Variants in SKP2 observed in about 807,000 individuals in gnomAD.
SKP2 encodes S-phase kinase-associated protein 2.
A neutral mutation model predicts 51.8 loss-of-function variants in SKP2; 16 were observed. The observed-to-expected ratio is 0.31, with a 90% confidence interval of 0.21 to 0.47. The LOEUF (loss-of-function observed/expected upper bound fraction) is 0.47, where lower values mean the gene tolerates loss of function less well. Among genes scored for constraint, SKP2 ranks in the 20% least tolerant of loss-of-function variants. The pLI is 1.00. For missense variants in SKP2, 377 were observed against 505.3 expected (o/e 0.75, Z 2.43); for synonymous variants, 176 against 198.6 (o/e 0.89, Z 0.96).
rs896333114 is a variant in SKP2 at position 36,176,961 on chromosome 5, C to T, written c.902-4C>T. The T allele has an allele frequency of 1.3e-6, 2 of 1,581,990 alleles. No homozygotes were observed. The highest frequency in any genetic ancestry group is 3.4e-5 in the Admixed American group (2 of 58,104). ...TGACCATCATGTTTTTTTGCTTTTC[C>T]TAGATCTCTCTACTTTAGTTAGAAG... On this transcript the variant is annotated splice_polypyrimidine_tract_variant and splice_region_variant and intron_variant, in intron 7 of 9. Transcript: ENST00000274255.
At position 36,181,681 on chromosome 5, in the gene SKP2, T is replaced by C. The variant is rs1164064704; in HGVS notation, c.1062-137T>C. On this transcript the variant is annotated intron_variant, in intron 9 of 9. Transcript: ENST00000274255. ...CTTTCCAGTTTAATTTGCTATTTTC[T>C]CAAATCATTTATTGTAAATTACACT... 7.0e-6 allele frequency: 6 copies of C among 862,646 alleles called. No individual in the cohort carries two copies. The South Asian group carries it at 8.4e-5, about 12-fold the overall frequency. 53.4% of individuals were successfully genotyped at this position (862,646 alleles called of 1,614,324 possible).
intron 2 of SKP2, among the ~76,000 whole-genome samples, chr5:36,162,934 A>G (rs944756080): frequency 5.9e-5 from 9 of 152,152 alleles, no homozygotes; most frequent in African/African-American, 2.2e-4. Context: ...CGGGGAAGCC[A>G]CTTGTAAAAC....
rs70973094 is a variant in SKP2 at position 36,190,683 on chromosome 5, CAAAAAAAAAAA to C, written c.633-1925_633-1915del. Among the ~76,000 whole-genome samples the C allele has an allele frequency of 1.1e-3, 88 of 81,186 alleles. 1 individual carries two copies. Among genetic ancestry groups the C allele is most frequent in the African/African-American group, 4.2e-3 (79 of 18,744 alleles). The allele number at this position is 81,186 out of a possible 152,430, so 53.3% of individuals were successfully genotyped here. ...AATGATGAAAAACGTCAAACATATG[CAAAAAAAAAAA>C]AAAAAAAAAAAAGAATATGATGGAC... On this transcript the variant is annotated intron_variant, in intron 6 of 7. Transcript: ENST00000677886.
chr5:36,186,241 T>C (rs1235415805), downstream of SKP2, among the ~76,000 whole-genome samples: 3 of 152,216 alleles, frequency 2.0e-5, no homozygotes, highest in African/African-American at 7.2e-5. Context: ...GAATACGCTT[T>C]ATTTCTTTCT....
intron 2 of SKP2, among the ~76,000 whole-genome samples, chr5:36,156,552 G>A (rs2362974): frequency 0.69 from 104,798 of 152,054 alleles, 40,678 homozygotes; most frequent in Non-Finnish European, 0.88. Flanking sequence ...TTGGCCCTTG[G>A]AGTGAGTGTA....
At chr5:36,192,207 G>A (rs544865491) in intron 6 of SKP2, among the ~76,000 whole-genome samples, 1 of 152,096 alleles carries the variant, frequency 6.6e-6, no homozygotes, top group African/African-American at 2.4e-5. Flanking sequence ...CCAATCCCTT[G>A]AGTACTTTTA....
downstream of SKP2, among the ~76,000 whole-genome samples, chr5:36,186,187 G>A (rs578058611): frequency 2.2e-4 from 33 of 152,308 alleles, no homozygotes; most frequent in African/African-American, 6.7e-4. Flanking sequence ...ATACAATCAT[G>A]TCATCTGCAA....
At chr5:36,179,241 AAATAAG>A (rs1430971442) in intron 9 of SKP2, among the ~76,000 whole-genome samples, 1 of 152,148 alleles carries the variant, frequency 6.6e-6, no homozygotes, top group Non-Finnish European at 1.5e-5. Flanking sequence ...TCTTGAGATA[AAATAAG>A]AATTAGAATG....
rs769566911 is a variant in SKP2, at chr5:36,180,321, C to T, written c.1062-1497C>T. 3.5e-6 allele frequency: 4 copies of T among 1,159,420 alleles called. No homozygotes were observed. The South Asian group carries it at 3.7e-5, about 11-fold the overall frequency. 71.8% of individuals were successfully genotyped at this position (1,159,420 alleles called of 1,614,324 possible). A position where few individuals can be genotyped will look rare whatever the true frequency, so the allele number is the denominator to read the frequency against. ...GATTAAGTATAAGTATCTGTGTATA[C>T]TGTGATCTTACTTCGACAGTGTTTC... is the stretch of plus-strand genomic sequence containing the variant. On this transcript the variant is annotated intron_variant, in intron 9 of 9. Transcript: ENST00000274255.
chr5:36,185,476 G>T (rs909463233), downstream of SKP2, among the ~76,000 whole-genome samples: 1 of 152,174 alleles, frequency 6.6e-6, no homozygotes, highest in African/African-American at 2.4e-5. Flanking sequence ...CATATGGCTA[G>T]CCAGTTTTCC....
chr5:36,162,082 C>G (rs1266363489), intron 2 of SKP2, among the ~76,000 whole-genome samples: 1 of 152,248 alleles, frequency 6.6e-6, no homozygotes, highest in East Asian at 1.9e-4. Flanking sequence ...ATCCACCTTT[C>G]TGTTCTAAAC....
intron 7 of SKP2, among the ~76,000 whole-genome samples, chr5:36,172,646 C>T (rs997422120): frequency 2.6e-5 from 4 of 152,160 alleles, no homozygotes; most frequent in Non-Finnish European, 5.9e-5. Context: ...TTGAATCAAA[C>T]ATCTGCAGAA....
chr5:36,175,251 T>C (rs931299916), intron 7 of SKP2, among the ~76,000 whole-genome samples: 2 of 152,114 alleles, frequency 1.3e-5, no homozygotes, highest in African/African-American at 4.8e-5. Flanking sequence ...CTGAAGCCAC[T>C]GGATTCGTGA....
chr5:36,155,862 A>T (rs969590784), intron 2 of SKP2, among the ~76,000 whole-genome samples: 1 of 152,208 alleles, frequency 6.6e-6, no homozygotes, highest in African/African-American at 2.4e-5. Flanking sequence ...ACAAGACAGA[A>T]GTTTCCGGAG....
chr5:36,158,827 A>T (rs929419286), intron 2 of SKP2, among the ~76,000 whole-genome samples: 2 of 152,144 alleles, frequency 1.3e-5, no homozygotes, highest in African/African-American at 4.8e-5. Flanking sequence ...TGTTTTCTTG[A>T]AGCCCCAGCC....
rs1422356828 is a variant in SKP2 at position 36,171,591 on chromosome 5, T to A, written c.771-12T>A. On this transcript the variant is annotated splice_polypyrimidine_tract_variant and intron_variant, in intron 6 of 9. Transcript: ENST00000274255. ...GGTTTCATATTTTGTTTATTACCCC[T>A]CTTTTGTGCAGACTGGATGAGCTGA... 6.2e-7 allele frequency: 1 copy of A among 1,611,972 alleles called. No individual in the cohort carries two copies. The highest frequency in any genetic ancestry group is 2.2e-5 in the East Asian group (1 of 44,850).
At chr5:36,180,409 T>C in intron 9 of SKP2, 1 of 408,108 alleles carries the variant, frequency 2.5e-6, no homozygotes, top group South Asian at 1.9e-5. Context: ...TCTTTGGTTA[T>C]ATACCTTTAG....
In SKP2 at chr5:36,170,330, TTC is replaced by T; in HGVS notation, c.672-10_672-9del. On this transcript the variant is annotated splice_polypyrimidine_tract_variant and intron_variant, in intron 5 of 9. Transcript: ENST00000274255. Reference sequence around the variant, plus strand: ...TACTGGTCTTTTTCTTCTGACGTTTTTCTCTTTTTCCAGTACTCTCGCAAAAA... The same window carrying T: ...TACTGGTCTTTTTCTTCTGACGTTTTTCTTTTTCCAGTACTCTCGCAAAAA... 1 of 1,525,268 alleles carries T rather than the reference TTC, an allele frequency of 6.6e-7. No individual in the cohort carries two copies. Among genetic ancestry groups the T allele is most frequent in the Non-Finnish European group, 9.1e-7 (1 of 1,101,984 alleles). 94.5% of individuals were successfully genotyped at this position (1,525,268 alleles called of 1,614,324 possible).
Position 36,174,394 on chromosome 5 carries a change from A to G in SKP2, c.902-2571A>G, listed in dbSNP as rs181495089. 1.9e-3 allele frequency among the ~76,000 whole-genome samples: 283 copies of G among 152,166 alleles called. 3 individuals are homozygous for G. Among genetic ancestry groups the G allele is most frequent in the Non-Finnish European group, 3.2e-3 (218 of 67,976 alleles). On this transcript the variant is annotated intron_variant, in intron 7 of 9. Transcript: ENST00000274255. ...GAGGAAACTAACCCTTTATCCCCCA[A>G]TGTTTCGTTCTTTCTCCAGTGGTGT...
Sources: allele counts gnomAD v4.1 joint callset (sites outside exome capture counted in the v4.1 genomes callset), GRCh38; gene constraint gnomAD v4.1.1; transcripts MANE v1.5; gene names NCBI Gene and HGNC (gene_info 2026-07-23, HGNC 2026-07-21).